Variants in KLRG2 observed in about 807,000 individuals in gnomAD.
The protein encoded by KLRG2 is killer cell lectin-like receptor subfamily G member 2.
KLRG2 carries 39 observed loss-of-function variants against 35.4 expected under a neutral mutation model. The observed-to-expected ratio is 1.10, with a 90% confidence interval of 0.85 to 1.44. The LOEUF (loss-of-function observed/expected upper bound fraction) is 1.44, where lower values mean the gene tolerates loss of function less well. Among genes scored for constraint, KLRG2 ranks in the 40% most tolerant of loss-of-function variants. The pLI is 0.00. For synonymous variants in KLRG2, 283 were observed against 265.8 expected (o/e 1.06, Z -0.63); for missense variants, 632 against 570.9 (o/e 1.11, Z -1.09).
At chr7:139,449,856 C>A (rs1031951832), downstream of KLRG2, among the ~76,000 whole-genome samples, 2 of 151,114 alleles carry the variant, frequency 1.3e-5, no homozygotes, top group Non-Finnish European at 2.9e-5. Flanking sequence ...CCCACCACCA[C>A]GCTTGGCTAA....
chr7:139,443,171 T>G, the KLRG2 span, among the ~76,000 whole-genome samples: 13 of 149,098 alleles, frequency 8.7e-5, no homozygotes, highest in East Asian at 2.2e-3. Context: ...CTTGGCTCAC[T>G]GCAACCTCTG....
the KLRG2 span, among the ~76,000 whole-genome samples, chr7:139,445,797 G>GTATATATATATATATATATATATATATA: frequency 1.0e-5 from 1 of 99,072 alleles, no homozygotes; most frequent in African/African-American, 7.6e-5. Flanking sequence ...ATATATGTGT[G>GTATATATATATATATATATATATATATA]TATATATATA....
the KLRG2 span, among the ~76,000 whole-genome samples, chr7:139,439,018 A>G: frequency 2.7e-5 from 4 of 149,922 alleles, no homozygotes; most frequent in Admixed American, 2.7e-4. Context: ...AAGGTGAACT[A>G]TATACTTAGC....
chr7:139,432,451 T>C, the KLRG2 span, among the ~76,000 whole-genome samples: 1 of 152,074 alleles, frequency 6.6e-6, no homozygotes, highest in African/African-American at 2.4e-5. Flanking sequence ...TTAAATTATA[T>C]GCAGGCGAAA....
chr7:139,468,582 C>A (rs1169176145), intron 3 of KLRG2, among the ~76,000 whole-genome samples: 1 of 152,170 alleles, frequency 6.6e-6, no homozygotes, highest in Non-Finnish European at 1.5e-5. Flanking sequence ...CCCGCCTGCA[C>A]CCAGGTGAAA....
chr7:139,429,322 AATC>A, the KLRG2 span, among the ~76,000 whole-genome samples: 2 of 151,942 alleles, frequency 1.3e-5, no homozygotes, highest in Non-Finnish European at 2.9e-5. Context: ...TAAGTAAATA[AATC>A]ATCACTTCAA....
intron 3 of KLRG2, among the ~76,000 whole-genome samples, chr7:139,462,518 C>T (rs1228736200): frequency 1.3e-5 from 2 of 152,156 alleles, no homozygotes; most frequent in Non-Finnish European, 2.9e-5. Flanking sequence ...CTTCCACCCT[C>T]CATTCCTCCT....
At chr7:139,451,047 G>A (rs1796369534), downstream of KLRG2, among the ~76,000 whole-genome samples, 1 of 152,198 alleles carries the variant, frequency 6.6e-6, no homozygotes, top group Admixed American at 6.5e-5. Context: ...AGCCTGCACC[G>A]CATTGCTGGC....
the KLRG2 span, among the ~76,000 whole-genome samples, chr7:139,432,005 GT>G: frequency 6.6e-6 from 1 of 151,442 alleles, no homozygotes; most frequent in African/African-American, 2.4e-5. Context: ...TGAATATGGT[GT>G]TTTTTAAAAA....
chr7:139,472,353 G>A (rs1374809275), intron 3 of KLRG2, among the ~76,000 whole-genome samples: 3 of 152,078 alleles, frequency 2.0e-5, no homozygotes, highest in Admixed American at 6.6e-5. Flanking sequence ...CCCACTGGAT[G>A]CATAGAAAGC....
At chr7:139,440,608 TA>T in the KLRG2 span, among the ~76,000 whole-genome samples, 565 of 152,060 alleles carry the variant, frequency 3.7e-3, 6 homozygotes, top group African/African-American at 0.013. Context: ...GGGCCCAACC[TA>T]ATGATCTCAT....
intron 3 of KLRG2, among the ~76,000 whole-genome samples, chr7:139,461,870 G>A (rs1274879211): frequency 1.3e-5 from 2 of 152,274 alleles, no homozygotes; most frequent in East Asian, 3.9e-4. Context: ...GACATTTGGT[G>A]CCATGACTCG....
At chr7:139,440,547 A>G in the KLRG2 span, among the ~76,000 whole-genome samples, 6 of 151,336 alleles carry the variant, frequency 4.0e-5, no homozygotes, top group African/African-American at 1.5e-4. Flanking sequence ...GTGAGCTACC[A>G]TAGCCGACTT....
At chr7:139,437,222 T>C in the KLRG2 span, among the ~76,000 whole-genome samples, 1 of 150,920 alleles carries the variant, frequency 6.6e-6, no homozygotes, top group Non-Finnish European at 1.5e-5. Flanking sequence ...AGGTCAGGAG[T>C]TCAAGACCAG....
At chr7:139,428,534 T>C in the KLRG2 span, among the ~76,000 whole-genome samples, 37 of 152,130 alleles carry the variant, frequency 2.4e-4, no homozygotes, top group Admixed American at 6.5e-4. Context: ...GCTGGGAGTA[T>C]AGGTATGAGC....
At chr7:139,436,690 C>T in the KLRG2 span, among the ~76,000 whole-genome samples, 857 of 152,348 alleles carry the variant, frequency 5.6e-3, 7 homozygotes, top group African/African-American at 0.02. Flanking sequence ...TAAGGCCCTC[C>T]TGAGTCTTCT....
the KLRG2 span, among the ~76,000 whole-genome samples, chr7:139,443,665 G>A: frequency 6.6e-6 from 1 of 152,024 alleles, no homozygotes; most frequent in Non-Finnish European, 1.5e-5. Flanking sequence ...GGGTTCAAAC[G>A]ATTCTCCTGC....
intron 3 of KLRG2, among the ~76,000 whole-genome samples, chr7:139,455,314 G>C (rs6967820): frequency 2.0e-5 from 3 of 149,534 alleles, no homozygotes; most frequent in African/African-American, 7.4e-5. Flanking sequence ...CACTGTACCC[G>C]GCCAAGATTT....
At chr7:139,434,700 G>A in the KLRG2 span, among the ~76,000 whole-genome samples, 15,852 of 152,168 alleles carry the variant, frequency 0.1, 2,795 homozygotes, top group African/African-American at 0.36. Flanking sequence ...TTCTTACAGG[G>A]GAAGTCAAAG....
Sources: allele counts gnomAD v4.1 joint callset (sites outside exome capture counted in the v4.1 genomes callset), GRCh38; gene constraint gnomAD v4.1.1; transcripts MANE v1.5; gene names NCBI Gene and HGNC (gene_info 2026-07-23, HGNC 2026-07-21).